The following SMYD3 variants were observed in gnomAD, a reference collection of about 807,000 sequenced individuals.
SMYD3 encodes the protein SET and MYND domain containing 3.
Under a neutral mutation model 57.7 loss-of-function variants are expected in SMYD3, and 36 were observed. The ratio of observed to expected loss-of-function variants is 0.62; its 90% CI spans 0.48 to 0.82. SMYD3 has a LOEUF of 0.82. Ranked by LOEUF, SMYD3 falls within the 40% of genes least tolerant of loss-of-function variation. SMYD3 has a pLI of 0.00. For missense variants in SMYD3, 515 were observed against 538.8 expected (o/e 0.96, Z 0.44); for synonymous variants, 211 against 195.0 (o/e 1.08, Z -0.68).
Position 246,186,936 on chromosome 1 carries a change from G to A in SMYD3, c.531+140265C>T, listed in dbSNP as rs146349839. 236 of 985,158 alleles carry A rather than the reference G, an allele frequency of 2.4e-4. 2 individuals carry two copies. In the East Asian group the frequency reaches 2.5e-3, roughly 10 times the overall value. The allele number at this position is 985,158 out of a possible 1,614,324, so 61.0% of individuals were successfully genotyped here. On this transcript the variant is annotated intron_variant, in intron 5 of 11. Transcript: ENST00000490107. ...AAGAGGTCTCACGGAACAACTTTTC[G>A]CTGTGACTGAAGAGATGAAATGTAA...
intron 5 of SMYD3, among the ~76,000 whole-genome samples, chr1:246,031,481 T>C (rs1458221989): frequency 2.6e-5 from 4 of 152,118 alleles, no homozygotes; most frequent in Admixed American, 1.3e-4. Context: ...CTCACGGCTA[T>C]AATCCCAGCA....
chr1:246,201,545 G>C (rs958429335), intron 5 of SMYD3, among the ~76,000 whole-genome samples: 1 of 152,168 alleles, frequency 6.6e-6, no homozygotes, highest in African/African-American at 2.4e-5. Context: ...CTGACCTTGG[G>C]AAAGGAGGAA....
At chr1:246,453,239 A>G (rs1016486614) in intron 1 of SMYD3, among the ~76,000 whole-genome samples, 1 of 152,254 alleles carries the variant, frequency 6.6e-6, no homozygotes, top group African/African-American at 2.4e-5. Context: ...AAGCAGTCAT[A>G]GTTCCAGAGC....
intron 2 of SMYD3, among the ~76,000 whole-genome samples, chr1:246,336,190 G>A (rs1305204383): frequency 6.6e-6 from 1 of 152,158 alleles, no homozygotes; most frequent in Non-Finnish European, 1.5e-5. Flanking sequence ...AGTTGCCAAT[G>A]TACAGATGAA....
intron 5 of SMYD3, among the ~76,000 whole-genome samples, chr1:246,288,646 GA>G (rs1252953198): frequency 6.6e-6 from 1 of 152,126 alleles, no homozygotes; most frequent in Non-Finnish European, 1.5e-5. Context: ...ACAAGGAGGG[GA>G]AAATGCAAAG....
At chr1:246,426,333 A>G (rs1183147621) in intron 1 of SMYD3, among the ~76,000 whole-genome samples, 2 of 152,190 alleles carry the variant, frequency 1.3e-5, no homozygotes, top group Non-Finnish European at 2.9e-5. Flanking sequence ...CTGTACAGCC[A>G]TCACCACAAT....
intron 5 of SMYD3, among the ~76,000 whole-genome samples, chr1:246,253,081 T>C (rs2063821697): frequency 6.6e-6 from 1 of 152,204 alleles, no homozygotes; most frequent in Non-Finnish European, 1.5e-5. Context: ...TGCCTGAAAC[T>C]GATAGTTTGA....
At chr1:246,238,544 T>C (rs2063547356) in intron 5 of SMYD3, among the ~76,000 whole-genome samples, 1 of 152,208 alleles carries the variant, frequency 6.6e-6, no homozygotes, top group African/African-American at 2.4e-5. Flanking sequence ...GAACTAAGTA[T>C]TGTGGAACAG....
At chr1:245,993,578 A>AG (rs2058852709) in intron 5 of SMYD3, among the ~76,000 whole-genome samples, 3 of 24,126 alleles carry the variant, frequency 1.2e-4, no homozygotes, top group Non-Finnish European at 3.2e-4. Flanking sequence ...CAAAAAAAAA[A>AG]AAGATAGATA....
At chr1:245,945,441 G>T (rs1203449152) in intron 5 of SMYD3, among the ~76,000 whole-genome samples, 1 of 152,048 alleles carries the variant, frequency 6.6e-6, no homozygotes, top group African/African-American at 2.4e-5. Context: ...CACCCACTCA[G>T]AATGGTGATT....
intron 10 of SMYD3, among the ~76,000 whole-genome samples, chr1:245,808,426 C>G (rs375804725): frequency 6.6e-6 from 1 of 152,254 alleles, no homozygotes; most frequent in East Asian, 1.9e-4. Context: ...CACAAGGCTC[C>G]AACAAAAATG....
chr1:246,232,929 C>T (rs371638202), intron 5 of SMYD3, among the ~76,000 whole-genome samples: 1 of 132,140 alleles, frequency 7.6e-6, no homozygotes, highest in Non-Finnish European at 1.6e-5. Context: ...CTGTGATGAA[C>T]ATATACCACA....
At chr1:246,214,817 A>G (rs1352557155) in intron 5 of SMYD3, among the ~76,000 whole-genome samples, 1 of 152,184 alleles carries the variant, frequency 6.6e-6, no homozygotes, top group African/African-American at 2.4e-5. Context: ...AGAGGAATGG[A>G]GAATAGCAAA....
intron 5 of SMYD3, chr1:246,322,489 C>G (rs1325215597): frequency 1.3e-5 from 2 of 151,702 alleles, no homozygotes; most frequent in Non-Finnish European, 2.9e-5. Context: ...CATACATCTT[C>G]TCTTCTCTAA....
At chr1:246,148,060 T>TCCC in intron 5 of SMYD3, among the ~76,000 whole-genome samples, 1 of 151,758 alleles carries the variant, frequency 6.6e-6, no homozygotes, top group East Asian at 2.0e-4. Context: ...AAGGCGGCAG[T>TCCC]CCCCGTAAGG....
chr1:246,265,219 T>C (rs1269450381), intron 5 of SMYD3, among the ~76,000 whole-genome samples: 1 of 152,152 alleles, frequency 6.6e-6, no homozygotes, highest in East Asian at 1.9e-4. Flanking sequence ...CACTGTAACC[T>C]CAAACACCTG....
chr1:246,467,766 C>T (rs2067900928), intron 1 of SMYD3, among the ~76,000 whole-genome samples: 1 of 152,118 alleles, frequency 6.6e-6, no homozygotes, highest in African/African-American at 2.4e-5. Context: ...TTCAAAAAAG[C>T]CAGCATTATT....
At chr1:245,861,263 C>G (rs1006824042) in intron 9 of SMYD3, among the ~76,000 whole-genome samples, 1 of 152,354 alleles carries the variant, frequency 6.6e-6, no homozygotes. Context: ...ACAATTCACT[C>G]TGTTCCAGTA....
chr1:246,439,419 C>A (rs1485196926), intron 1 of SMYD3, among the ~76,000 whole-genome samples: 1 of 152,210 alleles, frequency 6.6e-6, no homozygotes, highest in Non-Finnish European at 1.5e-5. Context: ...ATAAAAAATA[C>A]TTCCCAGGAG....
Sources: allele counts gnomAD v4.1 joint callset (sites outside exome capture counted in the v4.1 genomes callset), GRCh38; gene constraint gnomAD v4.1.1; transcripts MANE v1.5; gene names NCBI Gene and HGNC (gene_info 2026-07-23, HGNC 2026-07-21).